USP24: variants seen among roughly 807,000 people sequenced by gnomAD.
USP24 encodes ubiquitin specific peptidase 24, also known as ubiquitin carboxyl-terminal hydrolase 24.
Under a neutral mutation model 361.6 loss-of-function variants are expected in USP24, and 97 were observed. The ratio of observed to expected loss-of-function variants is 0.27; its 90% CI spans 0.23 to 0.32. The LOEUF is 0.32. USP24 is among the 10% of genes least tolerant of loss of function. The pLI, the probability that USP24 is intolerant of heterozygous loss-of-function variation, is 1.00. For synonymous variants in USP24, 1,098 were observed against 1,124.6 expected (o/e 0.98, Z 0.47); for missense variants, 2,353 against 3,165.6 (o/e 0.74, Z 6.16).
At chr1:55,166,713 G>A in intron 5 of USP24, 110 bp from the exon 6 acceptor site, 1 of 1,120,452 alleles carries the variant, frequency 8.9e-7, no homozygotes, top group Non-Finnish European at 1.3e-6. Context: ...ATAAAAGTTT[G>A]GAAACTATTT....
At chr1:55,131,777 T>C (rs1427950777) in intron 31 of USP24, among the ~76,000 whole-genome samples, 1 of 152,214 alleles carries the variant, frequency 6.6e-6, no homozygotes, top group African/African-American at 2.4e-5. Context: ...ATACATGATA[T>C]AATAATTAAG....
intron 21 of USP24, 38 bp from the exon 22 acceptor site, chr1:55,143,157 CA>C: frequency 7.2e-7 from 1 of 1,396,288 alleles, no homozygotes; most frequent in African/African-American, 1.5e-5. Context: ...TAAAGCATAT[CA>C]AGATCACAAA....
chr1:55,171,385 A>G (rs1372406040), intron 5 of USP24, among the ~76,000 whole-genome samples, 171 bp downstream of exon 5: 1 of 152,232 alleles, frequency 6.6e-6, no homozygotes, highest in Non-Finnish European at 1.5e-5. Context: ...AGCTATGGAA[A>G]AATTATGCAC....
intron 60 of USP24, among the ~76,000 whole-genome samples, 159 bp from the exon 61 acceptor site, chr1:55,078,810 G>C (rs1224231185): frequency 6.6e-6 from 1 of 152,136 alleles, no homozygotes; most frequent in Non-Finnish European, 1.5e-5. Flanking sequence ...ATAGACTTCA[G>C]GGTGTCTAAG....
intron 35 of USP24, among the ~76,000 whole-genome samples, chr1:55,124,034 C>T (rs1646356635): frequency 6.6e-6 from 1 of 152,038 alleles, no homozygotes; most frequent in Non-Finnish European, 1.5e-5. Context: ...TGAGGTATTT[C>T]TAAAATAGAG....
chr1:55,146,917 C>A lies in USP24; in HGVS notation c.2250+12G>T, dbSNP rs770615115. ...TTTCTGCCTTACTTTATCCACAATA[C>A]CACCTTCTTACCTCTCTATCTAATT... On this transcript the variant is annotated intron_variant, in intron 19 of 67. Transcript: ENST00000294383. The A allele has an allele frequency of 9.9e-6, 16 of 1,610,834 alleles. No homozygotes were observed. The East Asian group carries it at 3.6e-4, about 36-fold the overall frequency.
At chr1:55,123,926 A>G (rs1370896232) in intron 35 of USP24, among the ~76,000 whole-genome samples, 1 of 152,184 alleles carries the variant, frequency 6.6e-6, no homozygotes, top group Non-Finnish European at 1.5e-5. Flanking sequence ...CTTGATGTAG[A>G]TGGGTCATAT....
chr1:55,142,667 T>C, intron 23 of USP24, 75 bp downstream of exon 23: 7 of 1,047,080 alleles, frequency 6.7e-6, no homozygotes, highest in Non-Finnish European at 9.6e-6. Flanking sequence ...CATTATAAAT[T>C]ATCTAAAAAT....
At chr1:55,134,797 G>C (rs992778583) in intron 28 of USP24, among the ~76,000 whole-genome samples, 13 of 152,208 alleles carry the variant, frequency 8.5e-5, no homozygotes, top group Admixed American at 7.2e-4. Context: ...AACAAAAGTA[G>C]TGTGTTTATG....
At position 55,120,661 on chromosome 1, in the gene USP24, G is replaced by A. The variant is rs772764840; in HGVS notation, c.4443C>T (p.Gly1481=). 1.8e-5 allele frequency: 28 copies of A among 1,562,694 alleles called. No homozygotes were observed. The highest frequency in any genetic ancestry group is 1.3e-4 in the Admixed American group (7 of 52,318). ...DVQKPNQFLL[G]VILTAQLPLW... is the part of the protein sequence containing the mutation. ...GAGGCAGCTGAGCCGTGAGGATTAC[G>A]CCTAGAAGAAACTGATTTGGCTTCT... Residue 1481 remains glycine, a synonymous_variant, in exon 38 of 68, where the codon GGC becomes GGT. Transcript: ENST00000294383.
At chr1:55,071,694 A>AACTC (rs1644921897) in intron 67 of USP24, 120 bp downstream of exon 67, 3 of 1,143,764 alleles carry the variant, frequency 2.6e-6, no homozygotes, top group Non-Finnish European at 3.8e-6. Context: ...CAGCGCTGGT[A>AACTC]ACTCTTTGGA....
intron 40 of USP24, 38 bp downstream of exon 40, chr1:55,107,201 G>A (rs1381726766): frequency 6.3e-7 from 1 of 1,583,760 alleles, no homozygotes; most frequent in Admixed American, 1.8e-5. Context: ...ACCGAGCACT[G>A]AAGAATCTGC....
chr1:55,151,295 A>C (rs925839592), intron 16 of USP24, among the ~76,000 whole-genome samples: 1 of 152,106 alleles, frequency 6.6e-6, no homozygotes, highest in Non-Finnish European at 1.5e-5. Flanking sequence ...CACAGCAAAA[A>C]TTTTTGCTTG....
intron 1 of USP24, 53 bp from the exon 2 acceptor site, chr1:55,178,185 C>A (rs1275520809): frequency 6.5e-7 from 1 of 1,542,432 alleles, no homozygotes; most frequent in Non-Finnish European, 8.8e-7. Context: ...AGTGATTACT[C>A]TAAAAATTTC....
intron 31 of USP24, among the ~76,000 whole-genome samples, chr1:55,132,261 C>A (rs1231763773): frequency 1.3e-5 from 2 of 152,144 alleles, no homozygotes; most frequent in Non-Finnish European, 2.9e-5. Flanking sequence ...TGATCTTGGA[C>A]TCCCTAGCCA....
At chr1:55,173,581 G>A (rs1649663904) in intron 3 of USP24, among the ~76,000 whole-genome samples, 1 of 152,058 alleles carries the variant, frequency 6.6e-6, no homozygotes, top group South Asian at 2.1e-4. Flanking sequence ...ATATTCAAAG[G>A]GAAAATACTA....
intron 34 of USP24, 141 bp downstream of exon 34, chr1:55,125,179 C>G (rs1003676642): frequency 1.4e-6 from 1 of 717,096 alleles, no homozygotes. Context: ...TCTACCCTAG[C>G]GATCTCTTTT....
rs911704770 is a variant in USP24 at position 55,171,482 on chromosome 1, T to A, written c.825+74A>T. 2.0e-6 allele frequency: 3 copies of A among 1,495,242 alleles called. No individual in the cohort carries two copies. In the Admixed American group the frequency reaches 6.8e-5, roughly 34 times the overall value. The allele number at this position is 1,495,242 out of a possible 1,614,324, so 92.6% of individuals were successfully genotyped here. A position where few individuals can be genotyped will look rare whatever the true frequency, so the allele number is the denominator to read the frequency against. ...TGTTTTAATCCTCCCATGTAACTTG[T>A]CTTTTTTATAGCACAGAAAATCTTC... is the stretch of plus-strand genomic sequence containing the variant. On this transcript the variant is annotated intron_variant, in intron 5 of 67. Coordinates refer to ENST00000294383, the MANE Select transcript of USP24 (RefSeq NM_015306.3).
At chr1:55,124,702 A>G in intron 34 of USP24, 74 bp from the exon 35 acceptor site, 1 of 1,540,120 alleles carries the variant, frequency 6.5e-7, no homozygotes. Context: ...ACCTTCTTAC[A>G]GGTCTCAGTT....
Sources: allele counts gnomAD v4.1 joint callset (sites outside exome capture counted in the v4.1 genomes callset), GRCh38; gene constraint gnomAD v4.1.1; transcripts MANE v1.5; gene names NCBI Gene and HGNC (gene_info 2026-07-23, HGNC 2026-07-21).